Variants in ADAM32 observed in about 807,000 individuals in gnomAD.
ADAM32 encodes the protein ADAM metallopeptidase domain 32.
ADAM32 carries 89 observed loss-of-function variants against 114.9 expected under a neutral mutation model. The observed-to-expected ratio is 0.77, with a 90% CI of 0.65 to 0.92. ADAM32 has a LOEUF of 0.92. ADAM32 is among the 40% of genes least tolerant of loss of function. The pLI is 0.00. For synonymous variants in ADAM32, 285 were observed against 307.5 expected (o/e 0.93, Z 0.77); for missense variants, 870 against 932.8 (o/e 0.93, Z 0.88).
chr8:39,230,305 A>C (rs952572756), intron 14 of ADAM32, among the ~76,000 whole-genome samples: 1 of 152,178 alleles, frequency 6.6e-6, no homozygotes, highest in Non-Finnish European at 1.5e-5. Flanking sequence ...TTGAAAACCA[A>C]GACAAGTCTG....
chr8:39,249,968 A>G (rs1427598352), intron 17 of ADAM32, among the ~76,000 whole-genome samples: 1 of 151,962 alleles, frequency 6.6e-6, no homozygotes, highest in Non-Finnish European at 1.5e-5. Flanking sequence ...GCCTCTATAG[A>G]TATGGTATTT....
chr8:39,170,701 T>G (rs1805132878), intron 10 of ADAM32, among the ~76,000 whole-genome samples: 1 of 152,040 alleles, frequency 6.6e-6, no homozygotes, highest in Admixed American at 6.6e-5. Flanking sequence ...ACTATTAACA[T>G]TTTGATTGAT....
intron 14 of ADAM32, among the ~76,000 whole-genome samples, chr8:39,227,787 T>C (rs1288421391): frequency 6.6e-6 from 1 of 152,158 alleles, no homozygotes; most frequent in East Asian, 1.9e-4. Flanking sequence ...TTGGGAGTTC[T>C]AGGGCCCCAC....
intron 3 of ADAM32, among the ~76,000 whole-genome samples, chr8:39,142,956 G>C (rs1050445776): frequency 2.6e-5 from 4 of 151,662 alleles, no homozygotes; most frequent in Non-Finnish European, 5.9e-5. Flanking sequence ...TCATTAATTT[G>C]ATCTTTAATC....
intron 19 of ADAM32, among the ~76,000 whole-genome samples, chr8:39,261,663 A>G (rs1209278302): frequency 2.0e-5 from 3 of 151,858 alleles, no homozygotes; most frequent in African/African-American, 7.3e-5. Flanking sequence ...CCTAGTTTAT[A>G]TTCCCATCAA....
chr8:39,207,896 A>G (rs908011340), intron 11 of ADAM32, among the ~76,000 whole-genome samples: 3 of 152,354 alleles, frequency 2.0e-5, no homozygotes, highest in South Asian at 2.1e-4. Flanking sequence ...GTCAGAAATG[A>G]TAAGATTGCA....
chr8:39,132,057 C>T (rs1262651650), intron 2 of ADAM32: 1 of 246,522 alleles, frequency 4.1e-6, no homozygotes, highest in Admixed American at 5.0e-5. Context: ...CCACGCCTGG[C>T]TAATTTTGTA....
At chr8:39,249,060 T>C (rs1386418600) in intron 17 of ADAM32, among the ~76,000 whole-genome samples, 6 of 151,800 alleles carry the variant, frequency 4.0e-5, no homozygotes, top group South Asian at 2.1e-4. Context: ...CCTGCCACCA[T>C]GCCCGGATAA....
intron 14 of ADAM32, among the ~76,000 whole-genome samples, chr8:39,227,109 T>C (rs746585283): frequency 6.6e-5 from 10 of 152,078 alleles, no homozygotes; most frequent in Non-Finnish European, 1.0e-4. Context: ...CCAACAATCC[T>C]GAGAGGACCC....
intron 2 of ADAM32, among the ~76,000 whole-genome samples, chr8:39,122,454 T>C (rs930219834): frequency 6.6e-6 from 1 of 152,064 alleles, no homozygotes; most frequent in Non-Finnish European, 1.5e-5. Flanking sequence ...AAAAAGGCCA[T>C]GTGAGAACAT....
rs564235734 is a variant in ADAM32, at chr8:39,161,409, A to G, written c.594+444A>G. Among the ~76,000 whole-genome samples the G allele has an allele frequency of 6.6e-5, 10 of 152,324 alleles. 1 individual carries two copies. The highest frequency in any genetic ancestry group is 2.4e-4 in the African/African-American group (10 of 41,576). ...TCACTAATGTGTCAAGAAGTTTTTT[A>G]GCAGTTTTTGGTGGGGCACCCATTC... On this transcript the variant is annotated intron_variant, in intron 7 of 24. Coordinates refer to ENST00000379907, the MANE Select transcript of ADAM32 (RefSeq NM_145004.7).
intron 19 of ADAM32, 54 bp from the exon 20 acceptor site, chr8:39,270,822 G>A (rs1812665530): frequency 2.8e-6 from 4 of 1,416,580 alleles, no homozygotes; most frequent in Non-Finnish European, 3.9e-6. Context: ...TTTAATTCAT[G>A]AAGTTGGCAA....
intron 14 of ADAM32, among the ~76,000 whole-genome samples, chr8:39,229,539 G>T (rs912031058): frequency 6.6e-6 from 1 of 152,170 alleles, no homozygotes; most frequent in Non-Finnish European, 1.5e-5. Context: ...AAAGTGAGCA[G>T]GGGTAGCTAT....
At chr8:39,251,926 T>C (rs1174153648) in intron 17 of ADAM32, among the ~76,000 whole-genome samples, 4 of 151,922 alleles carry the variant, frequency 2.6e-5, no homozygotes, top group African/African-American at 9.7e-5. Flanking sequence ...GTTTTATTCT[T>C]CTGCATATGG....
intron 14 of ADAM32, among the ~76,000 whole-genome samples, chr8:39,228,599 G>T (rs1180996043): frequency 6.6e-6 from 1 of 152,062 alleles, no homozygotes; most frequent in Non-Finnish European, 1.5e-5. Context: ...TCAAAGATAT[G>T]GTCTTTGAAA....
chr8:39,201,892 G>T (rs962495637), intron 11 of ADAM32, among the ~76,000 whole-genome samples: 1 of 152,136 alleles, frequency 6.6e-6, no homozygotes, highest in Non-Finnish European at 1.5e-5. Context: ...TAACCATGTG[G>T]TTTTTGTCTT....
intron 10 of ADAM32, among the ~76,000 whole-genome samples, chr8:39,183,560 A>G (rs1806045714): frequency 6.6e-6 from 1 of 152,106 alleles, no homozygotes; most frequent in South Asian, 2.1e-4. Context: ...ATCTTTCCTC[A>G]TCATCACTCA....
chr8:39,152,751 A>T (rs1190601400), intron 6 of ADAM32, among the ~76,000 whole-genome samples: 2 of 132,258 alleles, frequency 1.5e-5, no homozygotes, highest in Admixed American at 7.5e-5. Context: ...AAAAAAAAAG[A>T]AAGAAAAAAG....
At chr8:39,141,656 T>A (rs1008083646) in intron 3 of ADAM32, among the ~76,000 whole-genome samples, 1 of 152,214 alleles carries the variant, frequency 6.6e-6, no homozygotes, top group East Asian at 1.9e-4. Flanking sequence ...CTGAGAAGAA[T>A]GTATATACTG....
Sources: allele counts gnomAD v4.1 joint callset (sites outside exome capture counted in the v4.1 genomes callset), GRCh38; gene constraint gnomAD v4.1.1; transcripts MANE v1.5; gene names NCBI Gene and HGNC (gene_info 2026-07-23, HGNC 2026-07-21).